The following GALNT13 variants were observed in gnomAD, a reference collection of about 807,000 sequenced individuals.
The protein encoded by GALNT13 is UDP-GalNAc:polypeptide N-acetylgalactosaminyltransferase 13.
In GALNT13, 28 loss-of-function variants were observed where a neutral mutation model predicts 64.2. The ratio of observed to expected loss-of-function variants is 0.44; its 90% confidence interval spans 0.32 to 0.60. GALNT13 has a LOEUF of 0.60. Ranked by LOEUF, GALNT13 falls within the 20% of genes least tolerant of loss-of-function variation. The pLI is 0.05. For synonymous variants in GALNT13, 214 were observed against 224.6 expected (o/e 0.95, Z 0.42); for missense variants, 577 against 669.8 (o/e 0.86, Z 1.53).
chr2:153,335,713 T>G, the GALNT13 span, among the ~76,000 whole-genome samples: 2 of 152,202 alleles, frequency 1.3e-5, no homozygotes, highest in African/African-American at 4.8e-5. Flanking sequence ...TCCCATTTTC[T>G]GGGGAGAAAT....
the GALNT13 span, among the ~76,000 whole-genome samples, chr2:153,525,386 TTTGTTTTGCACCGTAAG>T: frequency 6.6e-6 from 1 of 152,104 alleles, no homozygotes; most frequent in Non-Finnish European, 1.5e-5. Flanking sequence ...TAAAGGGGAC[TTTGTTTTGCACCGTAAG>T]CACCAGCTTG....
intron 10 of GALNT13, among the ~76,000 whole-genome samples, chr2:154,402,028 G>A (rs1470348841): frequency 6.6e-6 from 1 of 151,974 alleles, no homozygotes; most frequent in Non-Finnish European, 1.5e-5. Context: ...ATTAAGCTCT[G>A]GAATTCACTG....
chr2:153,267,954 A>G, the GALNT13 span, among the ~76,000 whole-genome samples: 1 of 152,200 alleles, frequency 6.6e-6, no homozygotes, highest in Non-Finnish European at 1.5e-5. Flanking sequence ...ACCTGGTCCC[A>G]TCCTTGACAT....
chr2:153,266,603 A>G, the GALNT13 span, among the ~76,000 whole-genome samples: 2 of 151,936 alleles, frequency 1.3e-5, no homozygotes, highest in Non-Finnish European at 2.9e-5. Flanking sequence ...TGCAGGGGGA[A>G]AAGTGCCAAT....
At chr2:153,790,007 A>G in the GALNT13 span, among the ~76,000 whole-genome samples, 2 of 152,158 alleles carry the variant, frequency 1.3e-5, no homozygotes, top group African/African-American at 2.4e-5. Context: ...CAGATGTACA[A>G]AGAAGAGCTG....
the GALNT13 span, among the ~76,000 whole-genome samples, chr2:153,657,059 A>G: frequency 2.6e-5 from 4 of 152,124 alleles, no homozygotes; most frequent in Non-Finnish European, 5.9e-5. Context: ...TGAGTCTTAT[A>G]GCGGTGTTGG....
rs750695833 is a variant in GALNT13 at position 154,283,715 on chromosome 2, G to A, written c.976-17694G>A. ...CACATACACACATCTATATGTGTGT[G>A]TGTGTATATACACACAAGCACATAC... On this transcript the variant is annotated intron_variant, in intron 8 of 12. Coordinates refer to ENST00000392825, the MANE Select transcript of GALNT13 (RefSeq NM_052917.4). Among the ~76,000 whole-genome samples the A allele has an allele frequency of 9.9e-5, 15 of 151,936 alleles. 1 individual carries two copies. Among genetic ancestry groups the A allele is most frequent in the Non-Finnish European group, 1.5e-4 (10 of 68,004 alleles).
At chr2:153,776,372 G>C in the GALNT13 span, among the ~76,000 whole-genome samples, 1 of 152,180 alleles carries the variant, frequency 6.6e-6, no homozygotes, top group Non-Finnish European at 1.5e-5. Context: ...TCAGCTTTGA[G>C]AGGCTATAAA....
intron 3 of GALNT13, among the ~76,000 whole-genome samples, chr2:153,991,133 G>A (rs903643507): frequency 6.6e-5 from 10 of 152,126 alleles, no homozygotes; most frequent in South Asian, 2.1e-4. Flanking sequence ...CCAGAACACA[G>A]CATTGCATAG....
the GALNT13 span, among the ~76,000 whole-genome samples, chr2:153,585,445 C>T: frequency 6.6e-6 from 1 of 152,154 alleles, no homozygotes. Context: ...TGGTTGAACA[C>T]ACTCATGAAT....
At chr2:153,469,671 G>A in the GALNT13 span, among the ~76,000 whole-genome samples, 68 of 152,004 alleles carry the variant, frequency 4.5e-4, no homozygotes, top group African/African-American at 1.6e-3. Context: ...TGTGCTTACC[G>A]GGCAGCATTT....
At chr2:153,692,399 G>T in the GALNT13 span, among the ~76,000 whole-genome samples, 5 of 152,098 alleles carry the variant, frequency 3.3e-5, no homozygotes, top group African/African-American at 1.2e-4. Context: ...CATAGAAATT[G>T]GTGCCATCTT....
chr2:153,529,088 T>C, the GALNT13 span, among the ~76,000 whole-genome samples: 5 of 151,604 alleles, frequency 3.3e-5, no homozygotes, highest in Admixed American at 6.6e-5. Context: ...CAGAAATAAA[T>C]GAAATTGAAA....
the GALNT13 span, among the ~76,000 whole-genome samples, chr2:153,356,357 G>A: frequency 6.6e-6 from 1 of 152,176 alleles, no homozygotes; most frequent in African/African-American, 2.4e-5. Flanking sequence ...GATCTTTCTG[G>A]AAAAGTCTTT....
At chr2:153,534,551 T>C in the GALNT13 span, among the ~76,000 whole-genome samples, 1 of 134,264 alleles carries the variant, frequency 7.4e-6, no homozygotes, top group Non-Finnish European at 1.5e-5. Flanking sequence ...GTGAGCAACA[T>C]GGCTGTTTAT....
the GALNT13 span, among the ~76,000 whole-genome samples, chr2:153,608,995 C>T: frequency 1.3e-5 from 2 of 149,692 alleles, no homozygotes; most frequent in East Asian, 3.9e-4. Context: ...TGTCTCACTG[C>T]AACTTCCGCC....
At chr2:153,264,964 C>T in the GALNT13 span, among the ~76,000 whole-genome samples, 1 of 152,344 alleles carries the variant, frequency 6.6e-6, no homozygotes, top group South Asian at 2.1e-4. Context: ...TAAAAATGTT[C>T]TCTTGGAGCT....
At chr2:153,951,947 T>C (rs1223382182) in intron 3 of GALNT13, among the ~76,000 whole-genome samples, 2 of 152,166 alleles carry the variant, frequency 1.3e-5, no homozygotes, top group Non-Finnish European at 2.9e-5. Flanking sequence ...GAGCATGTAG[T>C]TCTATTCCAA....
the GALNT13 span, among the ~76,000 whole-genome samples, chr2:153,854,996 C>T: frequency 5.9e-5 from 9 of 152,100 alleles, no homozygotes; most frequent in African/African-American, 2.2e-4. Context: ...AATGAGCCAA[C>T]GTGTATATAA....
Sources: gnomAD v4.1 joint callset for allele counts (sites outside exome capture counted in the v4.1 genomes callset) on GRCh38, gnomAD v4.1.1 for gene constraint, MANE v1.5 for transcripts, NCBI Gene and HGNC (gene_info 2026-07-23, HGNC 2026-07-21) for gene names.